COPG2: variants seen among roughly 807,000 people sequenced by gnomAD.
COPG2 encodes the protein coatomer subunit gamma-2.
In COPG2, 37 loss-of-function variants were observed where a neutral mutation model predicts 46.3. The ratio of observed to expected loss-of-function variants is 0.80; its 90% CI spans 0.61 to 1.05. The LOEUF is 1.05. Ranked by LOEUF, COPG2 falls within the 50% of genes least tolerant of loss-of-function variation. COPG2 has a pLI of 0.00. For missense variants in COPG2, 427 were observed against 387.8 expected (o/e 1.10, Z -0.85); for synonymous variants, 159 against 129.7 (o/e 1.23, Z -1.53).
chr7:130,506,730 A>C lies in COPG2; in HGVS notation c.2562T>G (p.Thr854=), dbSNP rs1460801619. ...CAGGTGTTCTCTCTTTACTTCTGAC[A>C]GTCACCTGCATGGTCACTCCATCGG... ...ALADGVTMQV[T]VRSKERTPVD... The change falls in exon 24 of 24, where the codon ACT becomes ACG. Residue 854 remains threonine, a synonymous_variant. Transcript: ENST00000425248. 1 of 780,500 alleles carries C rather than the reference A, an allele frequency of 1.3e-6. No individual in the cohort carries two copies. Among genetic ancestry groups the C allele is most frequent in the Non-Finnish European group, 2.4e-6 (1 of 417,774 alleles). 48.3% of individuals were successfully genotyped at this position (780,500 alleles called of 1,614,324 possible).
At chr7:130,537,101 G>A (rs1053008186) in intron 20 of COPG2, among the ~76,000 whole-genome samples, 27 of 152,106 alleles carry the variant, frequency 1.8e-4, no homozygotes, top group Non-Finnish European at 2.9e-4. Flanking sequence ...CCGGGGGGAC[G>A]AGGATGGGCA....
intron 20 of COPG2, among the ~76,000 whole-genome samples, chr7:130,523,573 G>T (rs997408070): frequency 6.6e-6 from 1 of 152,170 alleles, no homozygotes; most frequent in Non-Finnish European, 1.5e-5. Flanking sequence ...CACAGTTCCC[G>T]ACAGACCAGG....
chr7:130,545,564 T>C (rs1460049864), intron 20 of COPG2, among the ~76,000 whole-genome samples: 1 of 152,162 alleles, frequency 6.6e-6, no homozygotes, highest in Non-Finnish European at 1.5e-5. Flanking sequence ...AGACTTTAGA[T>C]TGGCCATGGA....
Position 130,558,202 on chromosome 7 carries a change from A to G in COPG2, c.1128+2831T>C, listed in dbSNP as rs993387557. ...CCAACCAAATCTCATGTTGAATTGT[A>G]ATCGCCAGTGTTGGAGGTGGGGCCT... On this transcript the variant is annotated intron_variant, in intron 12 of 23. Transcript: ENST00000425248. 7.2e-3 allele frequency among the ~76,000 whole-genome samples: 1,103 copies of G among 152,232 alleles called. 16 individuals carry two copies. The highest frequency in any genetic ancestry group is 0.023 in the African/African-American group (967 of 41,534).
intron 9 of COPG2, among the ~76,000 whole-genome samples, chr7:130,568,551 A>C (rs1331722022): frequency 1.3e-5 from 2 of 152,172 alleles, no homozygotes; most frequent in Non-Finnish European, 1.5e-5. Flanking sequence ...GGAGCTCCCA[A>C]ATTTATAAAA....
rs1341650131 is a variant in COPG2, at chr7:130,532,160, G to T, written c.2149+15514C>A. 7.5e-4 allele frequency among the ~76,000 whole-genome samples: 114 copies of T among 152,262 alleles called. No homozygotes were observed. In the East Asian group the frequency reaches 0.014, roughly 18 times the overall value. On this transcript the variant is annotated intron_variant, in intron 20 of 23. Transcript: ENST00000425248. ...CATCAGGGTCAAGACTGTCAGGTGT[G>T]GGAACATAGTTCCCGACAGACCAGG...
At chr7:130,657,833 G>A (rs1795887173) in intron 4 of COPG2, among the ~76,000 whole-genome samples, 1 of 151,702 alleles carries the variant, frequency 6.6e-6, no homozygotes, top group Non-Finnish European at 1.5e-5. Context: ...AGTCACAAAG[G>A]GATACCATTA....
chr7:130,518,955 G>A lies in COPG2; in HGVS notation c.2150-10296C>T, dbSNP rs990135714. On this transcript the variant is annotated intron_variant, in intron 20 of 23. Coordinates refer to ENST00000425248, the MANE Select transcript of COPG2 (RefSeq NM_012133.6). ...CCGGAGGTGGAGGCTGCAGTGAGCC[G>A]AGATGGCACCACTGCACTCCAGCCT... 3.1e-3 allele frequency among the ~76,000 whole-genome samples: 444 copies of A among 144,570 alleles called. 2 individuals carry two copies. Among genetic ancestry groups the A allele is most frequent in the Non-Finnish European group, 5.1e-3 (342 of 67,272 alleles). 94.8% of individuals were successfully genotyped at this position (144,570 alleles called of 152,430 possible). A position where few individuals can be genotyped will look rare whatever the true frequency, so the allele number is the denominator to read the frequency against.
intron 5 of COPG2, among the ~76,000 whole-genome samples, chr7:130,642,736 C>A (rs903239421): frequency 6.6e-6 from 1 of 152,136 alleles, no homozygotes; most frequent in Non-Finnish European, 1.5e-5. Context: ...AAAAATAAAC[C>A]TAACGGCTGA....
intron 9 of COPG2, among the ~76,000 whole-genome samples, chr7:130,608,986 C>T (rs529791102): frequency 1.3e-4 from 20 of 152,176 alleles, no homozygotes; most frequent in Admixed American, 5.2e-4. Context: ...AACCGATCCT[C>T]CCACCTCAGC....
chr7:130,620,369 C>T (rs892950206), intron 5 of COPG2, among the ~76,000 whole-genome samples: 1 of 152,084 alleles, frequency 6.6e-6, no homozygotes, highest in African/African-American at 2.4e-5. Context: ...ATATGACTAC[C>T]CCATAACCAC....
intron 9 of COPG2, among the ~76,000 whole-genome samples, chr7:130,571,846 T>C: frequency 7.5e-6 from 1 of 132,534 alleles, no homozygotes; most frequent in African/African-American, 2.8e-5. Context: ...TCTCTCTCTC[T>C]ATATATATAT....
At chr7:130,630,729 T>A (rs1424417) in intron 5 of COPG2, among the ~76,000 whole-genome samples, 64,483 of 152,126 alleles carry the variant, frequency 0.42, 16,588 homozygotes, top group East Asian at 0.59. Flanking sequence ...ATATTATTTA[T>A]TCTGGAGTCT....
At chr7:130,508,733 C>CA in intron 20 of COPG2, 74 bp from the exon 21 acceptor site, 1 of 187,598 alleles carries the variant, frequency 5.3e-6, no homozygotes, top group Non-Finnish European at 9.9e-6. Flanking sequence ...CATCTGTACT[C>CA]AGCACTGTGT....
chr7:130,653,783 C>T (rs1455652757), intron 4 of COPG2, among the ~76,000 whole-genome samples: 2 of 151,982 alleles, frequency 1.3e-5, no homozygotes, highest in Admixed American at 6.5e-5. Context: ...ATGGAGAAAA[C>T]CTTGATACTA....
chr7:130,612,129 C>T (rs782581980), intron 8 of COPG2, 23 bp downstream of exon 8: 1 of 1,516,856 alleles, frequency 6.6e-7, no homozygotes, highest in Non-Finnish European at 9.1e-7. Flanking sequence ...CTGAGACAAG[C>T]TAATGTGATT....
chr7:130,616,842 C>G, intron 6 of COPG2, 148 bp downstream of exon 6: 1 of 513,068 alleles, frequency 1.9e-6, no homozygotes, highest in South Asian at 3.5e-5. Flanking sequence ...AAAAGAAAGC[C>G]TGGAGCCACA....
At chr7:130,629,646 TC>T (rs1385490689) in intron 5 of COPG2, among the ~76,000 whole-genome samples, 5 of 152,090 alleles carry the variant, frequency 3.3e-5, no homozygotes, top group African/African-American at 1.2e-4. Flanking sequence ...TCCACCCACC[TC>T]GGCCTCCCAA....
At chr7:130,588,269 C>T (rs1794323803) in intron 9 of COPG2, among the ~76,000 whole-genome samples, 1 of 151,732 alleles carries the variant, frequency 6.6e-6, no homozygotes, top group Non-Finnish European at 1.5e-5. Flanking sequence ...TTAGAAATAC[C>T]ATTTGACCCA....
Sources: gnomAD v4.1 joint callset for allele counts (sites outside exome capture counted in the v4.1 genomes callset) on GRCh38, gnomAD v4.1.1 for gene constraint, MANE v1.5 for transcripts, NCBI Gene and HGNC (gene_info 2026-07-23, HGNC 2026-07-21) for gene names.